RBM46: variants seen among roughly 807,000 people sequenced by gnomAD.
RBM46 encodes the protein probable RNA-binding protein 46.
In RBM46, 12 loss-of-function variants were observed where a neutral mutation model predicts 43.3. The observed-to-expected ratio is 0.28, with a 90% CI of 0.18 to 0.45. The LOEUF (loss-of-function observed/expected upper bound fraction) is 0.45. Ranked by LOEUF, RBM46 falls within the 20% of genes least tolerant of loss-of-function variation. RBM46 has a pLI of 1.00. For synonymous variants in RBM46, 205 were observed against 207.6 expected (o/e 0.99, Z 0.11); for missense variants, 412 against 639.1 (o/e 0.64, Z 3.83).
chr4:154,808,991 T>A (rs1380283501), intron 4 of RBM46, among the ~76,000 whole-genome samples: 1 of 152,000 alleles, frequency 6.6e-6, no homozygotes, highest in Non-Finnish European at 1.5e-5. Flanking sequence ...CTCACTTAGT[T>A]TCGGAGAGGG....
rs745644706 is a variant in RBM46 at position 154,798,073 on chromosome 4, G to T, written c.414G>T (p.Leu138=). The part of the protein sequence containing the change: ...PGKFIGVCVS[L]DNCRLFIGAI... ...AGTTTATTGGTGTGTGTGTAAGCCTGGATAATTGTAGATTATTTATTGGAG... is the reference window on the plus strand; with the variant it reads ...AGTTTATTGGTGTGTGTGTAAGCCTTGATAATTGTAGATTATTTATTGGAG... Residue 138 remains leucine, a synonymous_variant, in exon 3 of 5, where the codon CTG becomes CTT. Transcript: ENST00000281722. 6.2e-7 allele frequency: 1 copy of T among 1,613,728 alleles called. No individual in the cohort carries two copies. Among genetic ancestry groups the T allele is most frequent in the Non-Finnish European group, 8.5e-7 (1 of 1,179,898 alleles).
intron 1 of RBM46, 108 bp downstream of exon 1, chr4:154,781,544 G>T (rs1733461258): frequency 6.6e-6 from 1 of 152,660 alleles, no homozygotes; most frequent in Non-Finnish European, 1.5e-5. Context: ...GGCGGCGGTG[G>T]CTGCGGGGTT....
chr4:154,827,946 T>C lies in RBM46; in HGVS notation c.1481T>C (p.Leu494Pro). ...CTCTCTTCTGGGACTCCCAGCGTGC[T>C]TCCTTATACTTCAAGGCCTTATTCT... is the stretch of plus-strand genomic sequence containing the variant. ...ATLSSGTPSV[L>P]PYTSRPYSYP... The change falls in exon 5 of 5, where the codon CTT becomes CCT. Residue 494 changes from leucine (L) to proline (P), a missense_variant. By Grantham distance (98) the Leu-to-Pro change is moderately conservative. Coordinates refer to ENST00000281722, the MANE Select transcript of RBM46 (RefSeq NM_144979.5). The C allele has an allele frequency of 6.2e-7, 1 of 1,613,918 alleles. No homozygotes were observed.
intron 3 of RBM46, 68 bp downstream of exon 3, chr4:154,798,346 G>C: frequency 2.1e-6 from 2 of 971,758 alleles, no homozygotes; most frequent in Non-Finnish European, 3.0e-6. Flanking sequence ...GTACATCAGG[G>C]ATCAATATTA....
At position 154,828,489 on chromosome 4, in the gene RBM46, A is replaced by C; in HGVS notation, c.*422A>C. ...ATCACTATCTGTACTGGAGATTAGA[A>C]CAATTATATGACCAGAAGCATCTAA... On this transcript the variant is annotated 3_prime_UTR_variant, in exon 5 of 5. Coordinates refer to ENST00000281722, the MANE Select transcript of RBM46 (RefSeq NM_144979.5). 1 of 161,932 alleles carries C rather than the reference A, an allele frequency of 6.2e-6. No individual in the cohort carries two copies. Among genetic ancestry groups the C allele is most frequent in the Non-Finnish European group, 1.3e-5 (1 of 74,270 alleles). The allele number at this position is 161,932 out of a possible 1,614,324, so 10.0% of individuals were successfully genotyped here. A position where few individuals can be genotyped will look rare whatever the true frequency, so the allele number is the denominator to read the frequency against.
intron 4 of RBM46, among the ~76,000 whole-genome samples, chr4:154,821,612 G>T (rs1217640877): frequency 6.6e-6 from 1 of 151,696 alleles, no homozygotes; most frequent in African/African-American, 2.4e-5. Context: ...CTTATTTTCA[G>T]TACAAATAAG....
At chr4:154,816,093 C>G (rs1735429786) in intron 4 of RBM46, among the ~76,000 whole-genome samples, 1 of 152,096 alleles carries the variant, frequency 6.6e-6, no homozygotes. Flanking sequence ...TATTAACATT[C>G]TATTCCATTG....
intron 4 of RBM46, among the ~76,000 whole-genome samples, chr4:154,812,505 C>A (rs757715673): frequency 6.6e-6 from 1 of 152,188 alleles, no homozygotes. Context: ...TTTCCCCCAT[C>A]CAGATTCTAG....
At chr4:154,824,102 T>C (rs915098984) in intron 4 of RBM46, among the ~76,000 whole-genome samples, 2 of 149,974 alleles carry the variant, frequency 1.3e-5, no homozygotes, top group Admixed American at 1.3e-4. Flanking sequence ...TTTTTTTTTT[T>C]GTTTTCCACA....
At chr4:154,812,273 AGACTAT>A (rs1166650608) in intron 4 of RBM46, among the ~76,000 whole-genome samples, 1 of 151,948 alleles carries the variant, frequency 6.6e-6, no homozygotes, top group African/African-American at 2.4e-5. Flanking sequence ...TTTTTTCCAG[AGACTAT>A]TTTGGCTTTA....
chr4:154,801,115 A>T (rs570556171), intron 4 of RBM46, among the ~76,000 whole-genome samples: 1 of 151,784 alleles, frequency 6.6e-6, no homozygotes, highest in East Asian at 1.9e-4. Context: ...AGTAGCTGGG[A>T]TTACAGGCGC....
In RBM46 at chr4:154,799,551, A is replaced by T. The variant is rs757437452; in HGVS notation, c.1389A>T (p.Thr463=). The T allele has an allele frequency of 6.5e-7, 1 of 1,548,062 alleles. No homozygotes were observed. Among genetic ancestry groups the T allele is most frequent in the Non-Finnish European group, 8.7e-7 (1 of 1,150,438 alleles). Residue 463 remains threonine, a synonymous_variant, in exon 4 of 5, where the codon ACA becomes ACT. Coordinates refer to ENST00000281722, the MANE Select transcript of RBM46 (RefSeq NM_144979.5). ...EDAKELAAQF[T]LLHLDYNFHR... ...CAAAGGAACTGGCAGCCCAGTTTACATTACTTCATTTGGGTAAGTTTAAAA... is the reference window on the plus strand; with the variant it reads ...CAAAGGAACTGGCAGCCCAGTTTACTTTACTTCATTTGGGTAAGTTTAAAA...
intron 4 of RBM46, among the ~76,000 whole-genome samples, chr4:154,809,054 TTTAC>T (rs1352855904): frequency 2.0e-5 from 2 of 98,202 alleles, no homozygotes; most frequent in African/African-American, 1.4e-4. Context: ...TTTTCCCTAT[TTTAC>T]TTAGTAGATT....
intron 4 of RBM46, among the ~76,000 whole-genome samples, chr4:154,814,836 T>A (rs919262830): frequency 1.3e-5 from 2 of 149,962 alleles, no homozygotes; most frequent in African/African-American, 5.0e-5. Flanking sequence ...TTTTATCCCC[T>A]CCCCCCCTTT....
intron 1 of RBM46, chr4:154,787,224 A>G (rs1196618402): frequency 6.6e-6 from 1 of 151,918 alleles, no homozygotes; most frequent in East Asian, 1.9e-4. Flanking sequence ...TAATACTTTA[A>G]GTTCTAGGGT....
chr4:154,801,423 A>G (rs1282830269), intron 4 of RBM46, among the ~76,000 whole-genome samples: 1 of 152,328 alleles, frequency 6.6e-6, no homozygotes, highest in African/African-American at 2.4e-5. Context: ...CTATTGATGC[A>G]CAAAATAGAA....
chr4:154,784,607 A>G (rs964472855), intron 1 of RBM46, among the ~76,000 whole-genome samples: 1 of 152,196 alleles, frequency 6.6e-6, no homozygotes. Flanking sequence ...GTTTAGGGAA[A>G]AAAATACATA....
chr4:154,794,246 T>C (rs1734238956), intron 1 of RBM46, among the ~76,000 whole-genome samples: 1 of 150,108 alleles, frequency 6.7e-6, no homozygotes, highest in African/African-American at 2.5e-5. Context: ...AGTGGTGCTA[T>C]CTCTGCTCAC....
At chr4:154,796,060 T>C (rs186162091) in intron 1 of RBM46, among the ~76,000 whole-genome samples, 5 of 152,002 alleles carry the variant, frequency 3.3e-5, no homozygotes, top group African/African-American at 7.3e-5. Context: ...CCCAGCTACT[T>C]GGGGGACTGA....
Sources: gnomAD v4.1 joint callset for allele counts (sites outside exome capture counted in the v4.1 genomes callset) on GRCh38, gnomAD v4.1.1 for gene constraint, MANE v1.5 for transcripts, NCBI Gene and HGNC (gene_info 2026-07-23, HGNC 2026-07-21) for gene names.